Variants in EYS observed in about 807,000 individuals in gnomAD.
The protein encoded by EYS is protein eyes shut homolog.
EYS carries 250 observed loss-of-function variants against 282.1 expected under a neutral mutation model. The ratio of observed to expected loss-of-function variants is 0.89; its 90% CI spans 0.80 to 0.98. The LOEUF (loss-of-function observed/expected upper bound fraction) is 0.98. Ranked by LOEUF, EYS falls within the 50% of genes least tolerant of loss-of-function variation. The pLI is 0.00. For synonymous variants in EYS, 1,355 were observed against 1,282.9 expected, an observed-to-expected ratio of 1.06 and a Z score of -1.20; for missense variants, 4,016 against 3,709.0, an observed-to-expected ratio of 1.08 and a Z score of -2.15.
chr6:65,688,821 G>A (rs575835946), intron 1 of EYS, among the ~76,000 whole-genome samples: 4 of 151,398 alleles, frequency 2.6e-5, no homozygotes, highest in African/African-American at 9.7e-5. Flanking sequence ...AAACCACAAT[G>A]AGATACCATC....
At chr6:64,539,047 A>C (rs1764615488) in intron 26 of EYS, among the ~76,000 whole-genome samples, 1 of 152,176 alleles carries the variant, frequency 6.6e-6, no homozygotes, top group African/African-American at 2.4e-5. Context: ...GGAATCATAC[A>C]GTAATTGTCT....
chr6:64,300,501 C>T lies in EYS; in HGVS notation c.6191+6469G>A, dbSNP rs566692938. ...TGTTATTTCTCCCTTACTCCTAAAA[C>T]GACTCCAAATCCCATTTAAGTAAAA... is the stretch of plus-strand genomic sequence containing the variant. On this transcript the variant is annotated intron_variant, in intron 30 of 42. Coordinates refer to ENST00000503581, the MANE Select transcript of EYS (RefSeq NM_001142800.2). 4.7e-4 allele frequency among the ~76,000 whole-genome samples: 72 copies of T among 152,242 alleles called. No homozygotes were observed. In the Middle Eastern group the frequency reaches 0.02, roughly 43 times the overall value.
intron 36 of EYS, among the ~76,000 whole-genome samples, chr6:63,826,913 G>A (rs1386370832): frequency 2.2e-5 from 3 of 136,140 alleles, no homozygotes; most frequent in Non-Finnish European, 4.8e-5. Context: ...CACAATGAAA[G>A]CAAGGCTACC....
At chr6:65,407,588 T>G (rs1392145386) in intron 5 of EYS, among the ~76,000 whole-genome samples, 1 of 152,066 alleles carries the variant, frequency 6.6e-6, no homozygotes, top group Non-Finnish European at 1.5e-5. Flanking sequence ...GAAAGGCAAA[T>G]TACTTGTATA....
intron 29 of EYS, among the ~76,000 whole-genome samples, chr6:64,310,325 A>C (rs1769643178): frequency 6.6e-6 from 1 of 152,236 alleles, no homozygotes; most frequent in Admixed American, 6.5e-5. Context: ...AAGACATGGA[A>C]TCAACCAAAA....
intron 29 of EYS, among the ~76,000 whole-genome samples, chr6:64,355,934 C>CT (rs1771808566): frequency 6.6e-6 from 1 of 151,614 alleles, no homozygotes; most frequent in Non-Finnish European, 1.5e-5. Context: ...TGATCAGAAA[C>CT]TTTAAGATGC....
At chr6:64,144,079 G>A (rs1217423317) in intron 31 of EYS, among the ~76,000 whole-genome samples, 1 of 152,174 alleles carries the variant, frequency 6.6e-6, no homozygotes, top group African/African-American at 2.4e-5. Context: ...TCCCAGGCAT[G>A]TACAACAACT....
chr6:65,052,507 A>G (rs1326625435), intron 13 of EYS, among the ~76,000 whole-genome samples: 1 of 151,626 alleles, frequency 6.6e-6, no homozygotes, highest in Non-Finnish European at 1.5e-5. Context: ...TAATGACAAC[A>G]GTGCTTATTA....
At chr6:63,906,718 T>G (rs1176559602) in intron 35 of EYS, among the ~76,000 whole-genome samples, 1 of 152,166 alleles carries the variant, frequency 6.6e-6, no homozygotes, top group Non-Finnish European at 1.5e-5. Context: ...AGAGGTATGA[T>G]AGTAAAATCA....
intron 37 of EYS, among the ~76,000 whole-genome samples, chr6:63,805,770 T>C (rs1192846298): frequency 6.6e-6 from 1 of 152,178 alleles, no homozygotes; most frequent in African/African-American, 2.4e-5. Flanking sequence ...CTGATGGTTT[T>C]ATAAGGAGAA....
intron 1 of EYS, among the ~76,000 whole-genome samples, chr6:65,682,218 C>T (rs1300050082): frequency 6.6e-6 from 1 of 151,798 alleles, no homozygotes; most frequent in Non-Finnish European, 1.5e-5. Flanking sequence ...GTAGAAGCTG[C>T]AGTAATAGTT....
intron 12 of EYS, among the ~76,000 whole-genome samples, chr6:65,263,811 C>T (rs976973281): frequency 2.6e-5 from 4 of 151,044 alleles, no homozygotes; most frequent in Non-Finnish European, 5.9e-5. Flanking sequence ...AGAGGCAGGA[C>T]GGTCACTTGA....
intron 5 of EYS, among the ~76,000 whole-genome samples, chr6:65,434,615 G>A (rs938876980): frequency 2.8e-4 from 43 of 151,952 alleles, no homozygotes; most frequent in African/African-American, 7.5e-4. Flanking sequence ...CACCGCGCCC[G>A]GCCACAAAAA....
At chr6:65,521,154 T>C (rs998157816) in intron 2 of EYS, among the ~76,000 whole-genome samples, 1 of 152,172 alleles carries the variant, frequency 6.6e-6, no homozygotes, top group Non-Finnish European at 1.5e-5. Context: ...CATAATTAGA[T>C]GCTGAGTAAA....
intron 22 of EYS, among the ~76,000 whole-genome samples, chr6:64,664,950 C>G (rs1373293453): frequency 6.6e-6 from 1 of 152,074 alleles, no homozygotes; most frequent in Non-Finnish European, 1.5e-5. Context: ...TTATGTATAC[C>G]TATATTAATA....
intron 26 of EYS, among the ~76,000 whole-genome samples, chr6:64,482,392 G>T (rs756050369): frequency 5.3e-5 from 8 of 151,622 alleles, no homozygotes; most frequent in Non-Finnish European, 7.4e-5. Flanking sequence ...AAAATACTTT[G>T]CCTATATATG....
chr6:64,128,225 T>A (rs935943843), intron 31 of EYS, among the ~76,000 whole-genome samples: 2 of 152,160 alleles, frequency 1.3e-5, no homozygotes, highest in African/African-American at 4.8e-5. Flanking sequence ...ATGTTTCAAT[T>A]GCATTTCTAA....
intron 29 of EYS, among the ~76,000 whole-genome samples, chr6:64,314,194 C>CAAAAAAAAAAAAAAAAAAAAA (rs138447983): frequency 3.6e-5 from 1 of 27,676 alleles, no homozygotes; most frequent in African/African-American, 1.5e-4. Context: ...AAATGGAAAG[C>CAAAAAAAAAAAAAAAAAAAAA]AAAAAAAAAA....
At chr6:64,218,685 C>T (rs935037861) in intron 31 of EYS, among the ~76,000 whole-genome samples, 1 of 152,180 alleles carries the variant, frequency 6.6e-6, no homozygotes, top group Admixed American at 6.5e-5. Flanking sequence ...TTGCCTTTGA[C>T]ATTCTACAAT....
Sources: gnomAD v4.1 joint callset for allele counts (sites outside exome capture counted in the v4.1 genomes callset) on GRCh38, gnomAD v4.1.1 for gene constraint, MANE v1.5 for transcripts, NCBI Gene and HGNC (gene_info 2026-07-23, HGNC 2026-07-21) for gene names.